GAB3: variants seen among roughly 807,000 people sequenced by gnomAD.
GAB3 encodes GRB2 associated binding protein 3, also known as GRB2-associated-binding protein 3.
A neutral mutation model predicts 40.4 loss-of-function variants in GAB3; 12 were observed. The ratio of observed to expected loss-of-function variants is 0.30; its 90% CI spans 0.19 to 0.48. GAB3 has a LOEUF of 0.48. GAB3 is among the 20% of genes least tolerant of loss of function. GAB3 has a pLI of 0.99. For synonymous variants in GAB3, 154 were observed against 176.7 expected, an observed-to-expected ratio of 0.87 and a Z score of 1.02; for missense variants, 381 against 461.9, an observed-to-expected ratio of 0.82 and a Z score of 1.61.
intron 1 of GAB3, among the ~76,000 whole-genome samples, chrX:154,739,483 T>C (rs1439089900): frequency 8.9e-6 from 1 of 112,206 alleles, no homozygotes; most frequent in Non-Finnish European, 1.9e-5. Context: ...AGAAAAAAGA[T>C]GAACTCTGGC....
chrX:154,720,155 A>G (rs911269463), intron 1 of GAB3, among the ~76,000 whole-genome samples: 3 of 111,087 alleles, frequency 2.7e-5, no homozygotes, highest in Admixed American at 9.6e-5. Flanking sequence ...ACAGTATTCA[A>G]TATAGTACCA....
At chrX:154,726,283 CAAA>C (rs1256942585) in intron 1 of GAB3, among the ~76,000 whole-genome samples, 1 of 110,280 alleles carries the variant, frequency 9.1e-6, no homozygotes, top group Admixed American at 9.6e-5. Context: ...ATATCTGAAA[CAAA>C]AAAAATACAC....
chrX:154,751,284 C>CGGGGG (rs1247944998), upstream of GAB3, among the ~76,000 whole-genome samples: 3 of 52,333 alleles, frequency 5.7e-5, no homozygotes, highest in African/African-American at 2.3e-4. Flanking sequence ...CGGCTGTGCC[C>CGGGGG]GGGGGGGGGG....
intron 8 of GAB3, among the ~76,000 whole-genome samples, chrX:154,687,623 G>C (rs1196802056): frequency 1.3e-5 from 1 of 75,021 alleles, no homozygotes; most frequent in African/African-American, 5.5e-5. Flanking sequence ...GACAGAGCGA[G>C]ACTCTGTCTC....
At chrX:154,700,594 T>C (rs1557252044) in intron 4 of GAB3, among the ~76,000 whole-genome samples, 1 of 111,934 alleles carries the variant, frequency 8.9e-6, no homozygotes, top group African/African-American at 3.3e-5. Flanking sequence ...GATGAAACTA[T>C]CTAGGTTGCA....
intron 8 of GAB3, among the ~76,000 whole-genome samples, chrX:154,683,379 T>C (rs2070401824): frequency 8.9e-6 from 1 of 112,582 alleles, no homozygotes; most frequent in African/African-American, 3.2e-5. Context: ...TATGCCTATT[T>C]ACTTAATCAC....
chrX:154,680,198 T>G lies in GAB3; in HGVS notation c.1581A>C (p.Thr527=), dbSNP rs782442632. 1 of 1,209,935 alleles carries G rather than the reference T, an allele frequency of 8.3e-7. No individual in the cohort carries two copies. Among genetic ancestry groups the G allele is most frequent in the Admixed American group, 2.2e-5 (1 of 45,913 alleles). ...CCAAATAATCTAGGCTGAATTTCTT[T>G]GTCCACGTAAGGGCACCACTGCTCA... ...SSLSSGALTW[T]KKFSLDYLAL... The change falls in exon 9 of 10, where the codon ACA becomes ACC. Residue 527 remains threonine, a synonymous_variant. Coordinates refer to ENST00000424127, the MANE Select transcript of GAB3 (RefSeq NM_001081573.3).
rs1018100374 is a variant in GAB3 at position 154,721,074 on chromosome X, T to C, written c.73-4745A>G. Among the ~76,000 whole-genome samples the C allele has an allele frequency of 2.7e-5, 3 of 111,836 alleles. No individual in the cohort carries two copies. In the East Asian group the frequency reaches 8.3e-4, roughly 31 times the overall value. On this transcript the variant is annotated intron_variant, in intron 1 of 9. Transcript: ENST00000424127. The stretch of plus-strand genomic sequence containing the variant: ...ACAGGAAAGGAAGCAATCAATAAAA[T>C]GAAAAGGCAACCTATGTACTGGGAA...
chrX:154,721,396 GT>G (rs1557258661), intron 1 of GAB3, among the ~76,000 whole-genome samples: 1 of 112,539 alleles, frequency 8.9e-6, no homozygotes, highest in African/African-American at 3.2e-5. Context: ...TCTGCTTGCT[GT>G]GTCACCCCAT....
At chrX:154,747,029 T>C (rs782385720) in intron 1 of GAB3, among the ~76,000 whole-genome samples, 1 of 112,514 alleles carries the variant, frequency 8.9e-6, no homozygotes, top group South Asian at 3.7e-4. Flanking sequence ...TTTTTTTAGA[T>C]AGTTTTGCTC....
intron 1 of GAB3, among the ~76,000 whole-genome samples, chrX:154,735,202 CAGAA>C (rs2071347776): frequency 8.9e-6 from 1 of 111,907 alleles, no homozygotes; most frequent in African/African-American, 3.3e-5. Flanking sequence ...AACTAAAAAT[CAGAA>C]AGAAACTAAA....
At position 154,710,419 on chromosome X, in the gene GAB3, G is replaced by C. The variant is rs1442101462; in HGVS notation, c.1069+1810C>G. 2.7e-5 allele frequency among the ~76,000 whole-genome samples: 3 copies of C among 111,940 alleles called. No individual in the cohort carries two copies. The Admixed American group carries it at 2.8e-4, about 11-fold the overall frequency. Reference sequence around the variant, plus strand: ...TAAGACAGAATGGTACAGTAATTAAGAGAGTGTGGCACTGGTGCAAGCTGG... The same window carrying C: ...TAAGACAGAATGGTACAGTAATTAACAGAGTGTGGCACTGGTGCAAGCTGG... On this transcript the variant is annotated intron_variant, in intron 4 of 9. Coordinates refer to ENST00000424127, the MANE Select transcript of GAB3 (RefSeq NM_001081573.3).
At chrX:154,694,391 G>GTT (rs781950607) in intron 8 of GAB3, among the ~76,000 whole-genome samples, 2 of 100,169 alleles carry the variant, frequency 2.0e-5, no homozygotes, top group Admixed American at 1.1e-4. Context: ...ATCTTTCTCT[G>GTT]TTTTTTTTTT....
upstream of GAB3, chrX:154,751,348 C>G (rs1025212165): frequency 1.3e-5 from 2 of 150,346 alleles, no homozygotes; most frequent in Non-Finnish European, 2.2e-5. Flanking sequence ...CCCAGGGTCA[C>G]GAGAAAGCGC....
intron 1 of GAB3, among the ~76,000 whole-genome samples, chrX:154,745,392 C>T (rs1291820329): frequency 4.6e-5 from 5 of 108,863 alleles, no homozygotes; most frequent in Non-Finnish European, 5.7e-5. Context: ...TAAGAAAGGT[C>T]TCAAATCAGT....
chrX:154,708,107 A>C (rs782818834), intron 4 of GAB3, among the ~76,000 whole-genome samples: 1 of 112,382 alleles, frequency 8.9e-6, no homozygotes, highest in Admixed American at 9.4e-5. Context: ...AAGAGAGCAA[A>C]GAATACACAA....
intron 9 of GAB3, chrX:154,679,054 G>T (rs2070337299): frequency 3.3e-6 from 1 of 301,499 alleles, no homozygotes. Context: ...CTACTTGGGA[G>T]GCTGAGATGG....
chrX:154,694,227 G>A (rs1257944828), intron 8 of GAB3, among the ~76,000 whole-genome samples: 1 of 111,494 alleles, frequency 9.0e-6, no homozygotes, highest in Non-Finnish European at 1.9e-5. Context: ...ATTTTTATAC[G>A]ACAGTTCCCA....
At position 154,677,436 on chromosome X, in the gene GAB3, C is replaced by T. The variant is rs1557245811; in HGVS notation, c.*742G>A. 8.9e-6 allele frequency: 1 copy of T among 111,833 alleles called. No homozygotes were observed. The highest frequency in any genetic ancestry group is 9.5e-5 in the Admixed American group (1 of 10,572). 9.2% of individuals were successfully genotyped at this position (111,833 alleles called of 1,213,427 possible). ...TCTGGGTCTTGGCTTTGTGAGTAATCTTGGGCAAAGTGTTCCCTCCTCTAG... is the reference window on the plus strand; with the variant it reads ...TCTGGGTCTTGGCTTTGTGAGTAATTTTGGGCAAAGTGTTCCCTCCTCTAG... On this transcript the variant is annotated 3_prime_UTR_variant, in exon 10 of 10. Coordinates refer to ENST00000424127, the MANE Select transcript of GAB3 (RefSeq NM_001081573.3).
Sources: allele counts gnomAD v4.1 joint callset (sites outside exome capture counted in the v4.1 genomes callset), GRCh38; gene constraint gnomAD v4.1.1; transcripts MANE v1.5; gene names NCBI Gene and HGNC (gene_info 2026-07-23, HGNC 2026-07-21).